BNC2: variants seen among roughly 807,000 people sequenced by gnomAD.
BNC2 encodes the protein basonuclin zinc finger protein 2, also known as zinc finger protein basonuclin-2.
Under a neutral mutation model 76.3 loss-of-function variants are expected in BNC2, and 20 were observed. That is an observed-to-expected ratio of 0.26 (90% CI 0.18 to 0.38). BNC2 has a LOEUF of 0.38. Ranked by LOEUF, BNC2 falls within the 10% of genes least tolerant of loss-of-function variation. BNC2 has a pLI of 1.00. For missense variants in BNC2, 1,382 were observed against 1,399.8 expected (o/e 0.99, Z 0.20); for synonymous variants, 582 against 514.8 (o/e 1.13, Z -1.77).
At chr9:16,553,331 G>T (rs548908340) in intron 4 of BNC2, among the ~76,000 whole-genome samples, 6 of 152,294 alleles carry the variant, frequency 3.9e-5, no homozygotes, top group African/African-American at 1.4e-4. Flanking sequence ...CATCTGTGTG[G>T]AGGGCTAGTA....
At chr9:16,740,571 A>T (rs994222549) in intron 1 of BNC2, among the ~76,000 whole-genome samples, 4 of 152,230 alleles carry the variant, frequency 2.6e-5, no homozygotes, top group African/African-American at 9.6e-5. Context: ...TTGTGAAGAC[A>T]AAGAAGCAGA....
intron 1 of BNC2, among the ~76,000 whole-genome samples, chr9:16,739,619 C>A (rs932667682): frequency 6.6e-6 from 1 of 152,074 alleles, no homozygotes; most frequent in African/African-American, 2.4e-5. Flanking sequence ...TTGCAGTGAG[C>A]GGAGATTGTG....
rs77037046 is a variant in BNC2, at chr9:16,852,562, C to T, written c.3+18084G>A. Among the ~76,000 whole-genome samples the T allele has an allele frequency of 2.7e-3, 418 of 152,134 alleles. 1 individual carries two copies. The highest frequency in any genetic ancestry group is 9.4e-3 in the African/African-American group (389 of 41,492). On this transcript the variant is annotated intron_variant, in intron 1 of 6. Transcript: ENST00000380672. Reference sequence around the variant, plus strand: ...TAATGGAAATGCAGAATTAGTAAGACAAAGGACCCTGTTCTTATGGGGCTT... The same window carrying T: ...TAATGGAAATGCAGAATTAGTAAGATAAAGGACCCTGTTCTTATGGGGCTT...
intron 1 of BNC2, among the ~76,000 whole-genome samples, chr9:16,845,920 C>G (rs905322447): frequency 6.6e-6 from 1 of 151,968 alleles, no homozygotes; most frequent in Non-Finnish European, 1.5e-5. Context: ...GAGGCCGAGA[C>G]GGGCGGATCA....
At chr9:16,555,561 C>T (rs1051031960) in intron 4 of BNC2, among the ~76,000 whole-genome samples, 3 of 151,982 alleles carry the variant, frequency 2.0e-5, no homozygotes, top group African/African-American at 2.4e-5. Flanking sequence ...CTTTGGGAGG[C>T]GAGACGGCAG....
rs187540790 is a variant in BNC2 at position 16,531,236 on chromosome 9, A to G, written c.669+21294T>C. On this transcript the variant is annotated intron_variant, in intron 5 of 6. Transcript: ENST00000380672. ...TAGCCTCAGTCTGAAAGGCCACTCC[A>G]GGGCTACTTAAACCAAACACTCTCT... Among the ~76,000 whole-genome samples the G allele has an allele frequency of 1.0e-3, 155 of 152,332 alleles. 1 individual carries two copies. Among genetic ancestry groups the G allele is most frequent in the Middle Eastern group, 3.4e-3 (1 of 294 alleles).
intron 5 of BNC2, among the ~76,000 whole-genome samples, chr9:16,496,199 G>A (rs946855776): frequency 6.6e-6 from 1 of 151,916 alleles, no homozygotes; most frequent in African/African-American, 2.4e-5. Flanking sequence ...GTGAGCCACT[G>A]CACCCAGCCC....
In BNC2 at chr9:16,437,167, G is replaced by C. The variant is rs764561859; in HGVS notation, c.1027C>G (p.Leu343Val). Residue 343 changes from leucine to valine, a missense_variant, in exon 6 of 7, where the codon CTA becomes GTA. Physicochemically the swap from Leu to Val is conservative, Grantham distance 32 (BLOSUM62 1). Transcript: ENST00000380672. ...CTCAACCCTGGTTGCTCTAACAGTA[G>C]CCCATTTGGAGGCAACCCTAGCAGT... The part of the protein sequence containing the change: ...APLLGLPPNG[L>V]LLEQPGLRLR... 1.9e-6 allele frequency: 3 copies of C among 1,614,144 alleles called. No homozygotes were observed. Among genetic ancestry groups the C allele is most frequent in the South Asian group, 2.2e-5 (2 of 91,076 alleles).
intron 3 of BNC2, among the ~76,000 whole-genome samples, chr9:16,713,865 A>C (rs1050642765): frequency 2.6e-5 from 4 of 152,328 alleles, no homozygotes; most frequent in African/African-American, 9.6e-5. Flanking sequence ...GCTTGAGCTC[A>C]GGAGTTCAAG....
At chr9:16,534,268 A>G (rs1818067022) in intron 5 of BNC2, among the ~76,000 whole-genome samples, 1 of 152,160 alleles carries the variant, frequency 6.6e-6, no homozygotes, top group Non-Finnish European at 1.5e-5. Context: ...TTAGTTTTAC[A>G]GTAAATAAGA....
intron 1 of BNC2, among the ~76,000 whole-genome samples, chr9:16,849,184 G>A (rs954103594): frequency 1.3e-5 from 2 of 151,878 alleles, no homozygotes; most frequent in Admixed American, 6.6e-5. Flanking sequence ...CTTTCCTGGA[G>A]TCAAATTTAT....
intron 5 of BNC2, among the ~76,000 whole-genome samples, chr9:16,496,118 A>T (rs1179691131): frequency 6.6e-6 from 1 of 152,004 alleles, no homozygotes; most frequent in Non-Finnish European, 1.5e-5. Flanking sequence ...CATGTTGGAC[A>T]GGCTGGTCTC....
At chr9:16,705,674 T>C (rs1823648049) in intron 3 of BNC2, among the ~76,000 whole-genome samples, 1 of 147,986 alleles carries the variant, frequency 6.8e-6, no homozygotes, top group Non-Finnish European at 1.5e-5. Context: ...TTCCCTCCTT[T>C]GTTTGTTTTG....
In BNC2 at chr9:16,749,987, G is replaced by A. The variant is rs1244901576; in HGVS notation, c.4-11502C>T. On this transcript the variant is annotated intron_variant, in intron 1 of 6. Coordinates refer to ENST00000380672, the MANE Select transcript of BNC2 (RefSeq NM_017637.6). ...GCTCTAAGAACGAGGAATTTTATCA[G>A]TTTTATATTCATTTACACTGCATGC... Among the ~76,000 whole-genome samples, 4 of 152,102 alleles carry A rather than the reference G, an allele frequency of 2.6e-5. No individual in the cohort carries two copies. The East Asian group carries it at 7.7e-4, about 29-fold the overall frequency.
chr9:16,485,125 C>CACACAG (rs1554649574), intron 5 of BNC2, among the ~76,000 whole-genome samples: 54 of 151,704 alleles, frequency 3.6e-4, no homozygotes, highest in Non-Finnish European at 4.1e-4. Flanking sequence ...CACACACACA[C>CACACAG]ACACACTATT....
intron 1 of BNC2, among the ~76,000 whole-genome samples, chr9:16,841,355 A>G (rs1338035854): frequency 6.6e-6 from 1 of 152,182 alleles, no homozygotes; most frequent in Admixed American, 6.5e-5. Flanking sequence ...ATTCAAACTC[A>G]GGACTCCGAC....
At position 16,630,276 on chromosome 9, in the gene BNC2, G is replaced by C. The variant is rs185180159; in HGVS notation, c.331-47191C>G. Reference sequence around the variant, plus strand: ...TAATAAAGAATACTAGTCTAAGTGGGAAAAGTCCAAAACTGGATTATTAAA... The same window carrying C: ...TAATAAAGAATACTAGTCTAAGTGGCAAAAGTCCAAAACTGGATTATTAAA... On this transcript the variant is annotated intron_variant, in intron 3 of 6. Transcript: ENST00000380672. Among the ~76,000 whole-genome samples, 535 of 152,262 alleles carry C rather than the reference G, an allele frequency of 3.5e-3. 5 individuals carry two copies. Among genetic ancestry groups the C allele is most frequent in the Admixed American group, 0.026 (398 of 15,304 alleles).
chr9:16,756,210 A>G (rs1381283710), intron 1 of BNC2, among the ~76,000 whole-genome samples: 1 of 152,176 alleles, frequency 6.6e-6, no homozygotes. Context: ...CATACCTGCA[A>G]AATCTTTTTA....
chr9:16,575,177 C>A (rs1208345750), intron 4 of BNC2: 1 of 760,580 alleles, frequency 1.3e-6, no homozygotes, highest in Non-Finnish European at 1.6e-6. Context: ...CAAGATTCTA[C>A]CTACAGTAGG....
Sources: gnomAD v4.1 joint callset for allele counts (sites outside exome capture counted in the v4.1 genomes callset) on GRCh38, gnomAD v4.1.1 for gene constraint, MANE v1.5 for transcripts, NCBI Gene and HGNC (gene_info 2026-07-23, HGNC 2026-07-21) for gene names.